The following B3GAT1 variants were observed in gnomAD, a reference collection of about 807,000 sequenced individuals.
B3GAT1 encodes the protein galactosylgalactosylxylosylprotein 3-beta-glucuronosyltransferase 1.
In B3GAT1, 11 loss-of-function variants were observed where a neutral mutation model predicts 28.4. That is an observed-to-expected ratio of 0.39 (90% confidence interval 0.24 to 0.64). The LOEUF (loss-of-function observed/expected upper bound fraction) is 0.64. Ranked by LOEUF, B3GAT1 falls within the 30% of genes least tolerant of loss-of-function variation. The probability of loss-of-function intolerance (pLI) is 0.50; values close to 1 mark genes in which losing one functional copy is unlikely to be tolerated. For missense variants in B3GAT1, 375 were observed against 491.0 expected (o/e 0.76, Z 2.23); for synonymous variants, 255 against 223.1 (o/e 1.14, Z -1.27).
Position 134,411,984 on chromosome 11 carries a change from C to CGCCCCGCCCG in B3GAT1, c.-469_-460dup, listed in dbSNP as rs1555100098. Reference sequence around the variant, plus strand: ...TAGCCGCGGGGTCCGCGCGCCCGCCCGCCCCGCCCGGCCCCGCCGCCCCGG... The same window carrying CGCCCCGCCCG: ...TAGCCGCGGGGTCCGCGCGCCCGCCCGCCCCGCCCGGCCCCGCCCGGCCCCGCCGCCCCGG... On this transcript the variant is annotated 5_prime_UTR_variant, in exon 1 of 6. Transcript: ENST00000312527. The surrounding 1 kb of genome is among the most constrained non-coding windows in gnomAD (Gnocchi z 6.0). 1 of 147,528 alleles carries CGCCCCGCCCG rather than the reference C, an allele frequency of 6.8e-6. No homozygotes were observed. Among genetic ancestry groups the CGCCCCGCCCG allele is most frequent in the African/African-American group, 2.5e-5 (1 of 40,632 alleles). The allele number at this position is 147,528 out of a possible 1,614,324, so 9.1% of individuals were successfully genotyped here. A position where few individuals can be genotyped will look rare whatever the true frequency, so the allele number is the denominator to read the frequency against.
At position 134,382,707 on chromosome 11, in the gene B3GAT1, C is replaced by A. The variant is rs200357434; in HGVS notation, c.918+3G>T. 130 of 1,611,228 alleles carry A rather than the reference C, an allele frequency of 8.1e-5. No individual in the cohort carries two copies. The East Asian group carries it at 2.8e-3, about 35-fold the overall frequency. On this transcript the variant is annotated splice_donor_region_variant and intron_variant, in intron 4 of 5. Transcript: ENST00000312527. ...CAGCTGTCAGTTCTGCGGAGGGTCT[C>A]ACCTTGGTGCAGTTGGCTGCCTTGG... is the stretch of plus-strand genomic sequence containing the variant.
chr11:134,409,392 G>A (rs1269483896), intron 1 of B3GAT1, among the ~76,000 whole-genome samples: 1 of 152,154 alleles, frequency 6.6e-6, no homozygotes, highest in Non-Finnish European at 1.5e-5. Context: ...CTTCCCCACT[G>A]CCCTGCATTC....
rs561766391 is a variant in B3GAT1, at chr11:134,379,123, T to A, written c.*1639A>T. The A allele has an allele frequency of 6.6e-6, 1 of 152,266 alleles. No homozygotes were observed. The highest frequency in any genetic ancestry group is 1.9e-4 in the East Asian group (1 of 5,184). 9.4% of individuals were successfully genotyped at this position (152,266 alleles called of 1,614,324 possible). ...AACGTCCTGCAAGGTGGCTCAGGGA[T>A]CTGATTCCATCAGATGGTCTCATGA... On this transcript the variant is annotated 3_prime_UTR_variant, in exon 6 of 6. Coordinates refer to ENST00000312527, the MANE Select transcript of B3GAT1 (RefSeq NM_054025.3).
rs985708179 is a variant in B3GAT1, at chr11:134,411,636, G to C, written c.-282+171C>G. On this transcript the variant is annotated intron_variant, in intron 1 of 5. Transcript: ENST00000312527. The surrounding 1 kb of genome is among the most constrained non-coding windows in gnomAD (Gnocchi z 6.0). ...GCCTCCCAGCCCGAGCTCGGTTCTC[G>C]GCCCCCTTTCCAGCTGCCCCCAGCG... Among the ~76,000 whole-genome samples the C allele has an allele frequency of 6.6e-5, 10 of 151,370 alleles. No homozygotes were observed. The highest frequency in any genetic ancestry group is 1.2e-4 in the Non-Finnish European group (8 of 67,858).
chr11:134,403,195 T>G (rs923742964), intron 1 of B3GAT1, among the ~76,000 whole-genome samples: 1 of 151,810 alleles, frequency 6.6e-6, no homozygotes, highest in African/African-American at 2.4e-5. Context: ...TCCACATACC[T>G]GGGGGAGGGG....
intron 1 of B3GAT1, among the ~76,000 whole-genome samples, chr11:134,392,615 C>T (rs1944433690): frequency 6.6e-6 from 1 of 152,180 alleles, no homozygotes; most frequent in African/African-American, 2.4e-5. Flanking sequence ...AACAGATCCT[C>T]CTGCTTTGGC....
At chr11:134,382,081 C>T (rs930816024) in intron 4 of B3GAT1, 57 bp from the exon 5 acceptor site, 24 of 1,423,584 alleles carry the variant, frequency 1.7e-5, no homozygotes, top group Middle Eastern at 3.5e-4. Context: ...CACTCTGCTG[C>T]CTCCCTGCTC....
At position 134,384,124 on chromosome 11, in the gene B3GAT1, A is replaced by C. The variant is rs778268096; in HGVS notation, c.177T>G (p.Ser59=). 1 of 1,584,872 alleles carries C rather than the reference A, an allele frequency of 6.3e-7. No homozygotes were observed. Among genetic ancestry groups the C allele is most frequent in the Admixed American group, 1.7e-5 (1 of 59,552 alleles). ...PGADPREYCT[S]DRDIVEVVRT... is the part of the protein sequence containing the mutation. ...GCACCACCTCCACGATGTCGCGGTCAGACGTGCAGTACTCCCTGGGGTCGG... is the reference window on the plus strand; with the variant it reads ...GCACCACCTCCACGATGTCGCGGTCCGACGTGCAGTACTCCCTGGGGTCGG... The change falls in exon 3 of 6, where the codon TCT becomes TCG. Residue 59 remains serine, a synonymous_variant. Coordinates refer to ENST00000312527, the MANE Select transcript of B3GAT1 (RefSeq NM_054025.3).
In B3GAT1 at chr11:134,380,964, C is replaced by G. The variant is rs149102494; in HGVS notation, c.*15-217G>C. On this transcript the variant is annotated intron_variant, in intron 5 of 5. Transcript: ENST00000312527. ...ACAGATGCATTCTAAGTGGCGCTGGCCAAGGTGACTGAGTGACACCCTGTG... is the reference window on the plus strand; with the variant it reads ...ACAGATGCATTCTAAGTGGCGCTGGGCAAGGTGACTGAGTGACACCCTGTG... Among the ~76,000 whole-genome samples, 12 of 152,270 alleles carry G rather than the reference C, an allele frequency of 7.9e-5. No homozygotes were observed. In the East Asian group the frequency reaches 2.3e-3, roughly 29 times the overall value.
chr11:134,389,881 G>A (rs974619882), intron 1 of B3GAT1: 5 of 152,242 alleles, frequency 3.3e-5, no homozygotes, highest in African/African-American at 1.2e-4. Flanking sequence ...GCCTGTGGAA[G>A]ACCAGGATTT....
intron 1 of B3GAT1, among the ~76,000 whole-genome samples, chr11:134,404,353 C>A (rs1298688096): frequency 6.6e-6 from 1 of 152,080 alleles, no homozygotes; most frequent in Non-Finnish European, 1.5e-5. Flanking sequence ...CGAGATGAGA[C>A]AGATCTGGAG....
chr11:134,408,255 T>G, intron 1 of B3GAT1, among the ~76,000 whole-genome samples: 2 of 103,790 alleles, frequency 1.9e-5, no homozygotes, highest in Non-Finnish European at 3.7e-5. Context: ...AAGAGGGAGG[T>G]GGGACAGCCT....
intron 4 of B3GAT1, among the ~76,000 whole-genome samples, chr11:134,382,259 A>T (rs1317081214): frequency 6.6e-6 from 1 of 152,214 alleles, no homozygotes; most frequent in Non-Finnish European, 1.5e-5. Context: ...ACCTGCTGGA[A>T]ATGGGAAGTC....
At chr11:134,382,435 G>A (rs530735672) in intron 4 of B3GAT1, among the ~76,000 whole-genome samples, 104 of 152,360 alleles carry the variant, frequency 6.8e-4, no homozygotes, top group African/African-American at 2.2e-3. Flanking sequence ...ATGTGTGCAC[G>A]CGTAGGCATG....
chr11:134,384,474 C>T (rs1944226088), intron 2 of B3GAT1: 1 of 459,648 alleles, frequency 2.2e-6, no homozygotes, highest in Non-Finnish European at 3.8e-6. Context: ...AAGATTGCAT[C>T]CTCAGTTCCT....
At chr11:134,407,029 G>A (rs1184884398) in intron 1 of B3GAT1, among the ~76,000 whole-genome samples, 1 of 152,092 alleles carries the variant, frequency 6.6e-6, no homozygotes, top group Non-Finnish European at 1.5e-5. Flanking sequence ...AGAACTTTCC[G>A]TGCTGCCGGG....
rs537748824 is a variant in B3GAT1 at position 134,395,524 on chromosome 11, C to T, written c.-281-7584G>A. On this transcript the variant is annotated intron_variant, in intron 1 of 5. Coordinates refer to ENST00000312527, the MANE Select transcript of B3GAT1 (RefSeq NM_054025.3). ...CACTTGGCCACTTGACCCCTGCCTG[C>T]GTGATAGGGATTACTGAGGGTCATG... Among the ~76,000 whole-genome samples the T allele has an allele frequency of 7.2e-5, 11 of 152,160 alleles. No homozygotes were observed. In the South Asian group the frequency reaches 1.7e-3, roughly 23 times the overall value.
Position 134,401,290 on chromosome 11 carries a change from C to T in B3GAT1, c.-282+10517G>A, listed in dbSNP as rs567826278. On this transcript the variant is annotated intron_variant, in intron 1 of 5. Transcript: ENST00000312527. ...TGAAGACACATACACTCATGTTTAT[C>T]GCAGCACTATTCATAACAGGGAACT... Among the ~76,000 whole-genome samples, 10 of 152,312 alleles carry T rather than the reference C, an allele frequency of 6.6e-5. No individual in the cohort carries two copies. In the East Asian group the frequency reaches 9.6e-4, roughly 15 times the overall value.
Position 134,387,654 on chromosome 11 carries a change from C to T in B3GAT1, c.6G>A (p.Pro2=), listed in dbSNP as rs752079238. The part of the protein sequence containing the change: M[P]KRRDILAIVL... Reference sequence around the variant, plus strand: ...CGATCGCTAGGATGTCCCGTCTCTTCGGCATCTCCAAGGCTGGCTGCACCC... The same window carrying T: ...CGATCGCTAGGATGTCCCGTCTCTTTGGCATCTCCAAGGCTGGCTGCACCC... The change falls in exon 2 of 6, where the codon CCG becomes CCA. Residue 2 remains proline (P), a synonymous_variant. Coordinates refer to ENST00000312527, the MANE Select transcript of B3GAT1 (RefSeq NM_054025.3). The T allele has an allele frequency of 8.7e-6, 14 of 1,614,116 alleles. No homozygotes were observed. The highest frequency in any genetic ancestry group is 1.2e-5 in the Non-Finnish European group (14 of 1,180,026).
Sources: allele counts gnomAD v4.1 joint callset (sites outside exome capture counted in the v4.1 genomes callset), GRCh38; gene constraint gnomAD v4.1.1; non-coding constraint Gnocchi (gnomAD v3.1); transcripts MANE v1.5; gene names NCBI Gene and HGNC (gene_info 2026-07-23, HGNC 2026-07-21).